The following IL17RE variants were observed in gnomAD, a reference collection of about 807,000 sequenced individuals.
IL17RE encodes interleukin 17 receptor E.
In IL17RE, 47 loss-of-function variants were observed where a neutral mutation model predicts 70.7. That is an observed-to-expected ratio of 0.67 (90% confidence interval 0.53 to 0.85). The LOEUF (loss-of-function observed/expected upper bound fraction) is 0.85. IL17RE is among the 40% of genes least tolerant of loss of function. The pLI is 0.00. For synonymous variants in IL17RE, 372 were observed against 381.2 expected, an observed-to-expected ratio of 0.98 and a Z score of 0.28; for missense variants, 850 against 893.9, an observed-to-expected ratio of 0.95 and a Z score of 0.63.
intron 7 of IL17RE, 136 bp from the exon 8 acceptor site, chr3:9,909,081 C>G (rs527443808): frequency 1.3e-5 from 9 of 670,850 alleles, no homozygotes; most frequent in Non-Finnish European, 2.4e-5. Flanking sequence ...CCACATTGCC[C>G]CCTCCTGCTC....
At position 9,915,722 on chromosome 3, in the gene IL17RE, T is replaced by C. The variant is rs1372295346; in HGVS notation, c.1919T>C (p.Leu640Pro). ...PFAEATSWGRLGARQRRQSRL... is the reference protein window; with the variant it reads ...PFAEATSWGRPGARQRRQSRL... ...GCAGAGGCCACCAGCTGGGGCCGCC[T>C]TGGGGCGCGGCAGCGCAGGCAGAGC... Residue 640 changes from leucine (L) to proline (P), a missense_variant, in exon 16 of 16, where the codon CTT becomes CCT. By Grantham distance (98) the Leu-to-Pro change is moderately conservative. Coordinates refer to ENST00000383814, the MANE Select transcript of IL17RE (RefSeq NM_153480.2). The surrounding 1 kb of genome is among the most constrained non-coding windows in gnomAD (Gnocchi z 4.9). 1.4e-6 allele frequency: 2 copies of C among 1,435,536 alleles called. No homozygotes were observed. The highest frequency in any genetic ancestry group is 2.9e-5 in the South Asian group (2 of 68,070). 88.9% of individuals were successfully genotyped at this position (1,435,536 alleles called of 1,614,324 possible).
At chr3:9,912,951 A>G (rs2082926961) in intron 12 of IL17RE, among the ~76,000 whole-genome samples, 1 of 152,140 alleles carries the variant, frequency 6.6e-6, no homozygotes, top group Non-Finnish European at 1.5e-5. Context: ...GAGATACAAG[A>G]AAAGTATATA....
At chr3:9,910,513 G>A in intron 8 of IL17RE, 1 of 263,086 alleles carries the variant, frequency 3.8e-6, no homozygotes, top group South Asian at 4.5e-5. Context: ...GGCCAATATG[G>A]TGAAAACCCA....
chr3:9,908,334 T>C (rs748811940), intron 7 of IL17RE, 27 bp downstream of exon 7: 3 of 1,599,380 alleles, frequency 1.9e-6, no homozygotes, highest in South Asian at 1.1e-5. Context: ...GTGTGGGCTG[T>C]CCATGGCTCT....
chr3:9,903,947 A>G, intron 2 of IL17RE, 85 bp from the exon 3 acceptor site: 1 of 1,525,914 alleles, frequency 6.6e-7, no homozygotes, highest in Non-Finnish European at 9.0e-7. Flanking sequence ...AGGATGTGAC[A>G]GAGCTTGGCC....
intron 7 of IL17RE, 135 bp from the exon 8 acceptor site, chr3:9,909,082 C>G: frequency 1.5e-6 from 1 of 675,860 alleles, no homozygotes; most frequent in Non-Finnish European, 2.6e-6. Context: ...CACATTGCCC[C>G]CTCCTGCTCG....
chr3:9,911,426 C>G lies in IL17RE; in HGVS notation c.1073-17C>G, dbSNP rs776268776. 5.6e-6 allele frequency: 9 copies of G among 1,613,488 alleles called. No homozygotes were observed. In the South Asian group the frequency reaches 8.8e-5, roughly 16 times the overall value. On this transcript the variant is annotated splice_polypyrimidine_tract_variant and intron_variant, in intron 11 of 15. Transcript: ENST00000383814. Reference sequence around the variant, plus strand: ...AAAGCCCAACTCCTATCAACACCCCCACCCCGCCCCAAACAGGGTCTCTCA... The same window carrying G: ...AAAGCCCAACTCCTATCAACACCCCGACCCCGCCCCAAACAGGGTCTCTCA...
chr3:9,914,278 A>G, intron 13 of IL17RE: 2 of 780,426 alleles, frequency 2.6e-6, no homozygotes, highest in Non-Finnish European at 4.0e-6. Context: ...GTGCCATCTG[A>G]TTGTTTCAGT....
At chr3:9,903,181 G>C in intron 1 of IL17RE, 117 bp downstream of exon 1, 2 of 1,046,740 alleles carry the variant, frequency 1.9e-6, no homozygotes, top group South Asian at 1.4e-5. Flanking sequence ...GCTTTGATGT[G>C]TCCTCTACCT....
chr3:9,914,877 A>G (rs1271983788), intron 15 of IL17RE, 100 bp downstream of exon 15: 1 of 1,003,988 alleles, frequency 1.0e-6, no homozygotes, highest in African/African-American at 1.6e-5. Context: ...ACTGCACCCA[A>G]TCTCTGTTAC....
chr3:9,914,383 T>C (rs2082961148), intron 13 of IL17RE, 165 bp from the exon 14 acceptor site: 4 of 1,491,210 alleles, frequency 2.7e-6, no homozygotes, highest in South Asian at 1.4e-5. Flanking sequence ...TTTGCCACCA[T>C]TGACCTGTTC....
intron 7 of IL17RE, 89 bp downstream of exon 7, chr3:9,908,396 T>G: frequency 8.6e-7 from 1 of 1,169,150 alleles, no homozygotes; most frequent in Non-Finnish European, 1.3e-6. Context: ...TCCAGTAAAT[T>G]GGGTTTAAAA....
rs2082969537 is a variant in IL17RE, at chr3:9,914,609, T to G, written c.1348+10T>G. On this transcript the variant is annotated intron_variant, in intron 14 of 15. Coordinates refer to ENST00000383814, the MANE Select transcript of IL17RE (RefSeq NM_153480.2). The stretch of plus-strand genomic sequence containing the variant: ...CTCTTGTGTCCGGATGGTGAGTTCT[T>G]GGGGAGGGGGAGGTAAGAGGGAGGC... The G allele has an allele frequency of 6.2e-7, 1 of 1,613,548 alleles. No individual in the cohort carries two copies. Among genetic ancestry groups the G allele is most frequent in the Non-Finnish European group, 8.5e-7 (1 of 1,179,654 alleles).
intron 8 of IL17RE, among the ~76,000 whole-genome samples, 153 bp from the exon 9 acceptor site, chr3:9,910,712 G>A (rs2082870064): frequency 6.6e-6 from 1 of 152,146 alleles, no homozygotes; most frequent in Non-Finnish European, 1.5e-5. Flanking sequence ...GAAAGATAAT[G>A]AAAGGGATGC....
chr3:9,902,353 T>C (rs991014575), upstream of IL17RE, among the ~76,000 whole-genome samples: 6 of 152,136 alleles, frequency 3.9e-5, no homozygotes, highest in African/African-American at 7.2e-5. Context: ...AACTCGGCTA[T>C]AGTCCTGAGA....
At chr3:9,914,358 C>G in intron 13 of IL17RE, 190 bp from the exon 14 acceptor site, 1 of 1,441,320 alleles carries the variant, frequency 6.9e-7, no homozygotes, top group Non-Finnish European at 9.1e-7. Flanking sequence ...GAGTTTGGCC[C>G]CTGTCACACT....
chr3:9,911,483 C>T lies in IL17RE; in HGVS notation c.1113C>T (p.Ala371=), dbSNP rs1450516071. 2.5e-6 allele frequency: 4 copies of T among 1,614,060 alleles called. No individual in the cohort carries two copies. Among genetic ancestry groups the T allele is most frequent in the Admixed American group, 1.7e-5 (1 of 60,002 alleles). Residue 371 remains alanine (A), a synonymous_variant, in exon 12 of 16, where the codon GCC becomes GCT. Transcript: ENST00000383814. ...TSWNVSMDTQ[A]QQLILHFSSR... ...GGAATGTAAGCATGGATACCCAAGC[C>T]CAGCAGCTGATTCTTCACTTCTCCT...
chr3:9,902,801 G>A, upstream of IL17RE: 1 of 1,559,822 alleles, frequency 6.4e-7, no homozygotes, highest in South Asian at 1.2e-5. Flanking sequence ...GAGCTTTCGG[G>A]CAGGGCGGGG....
rs2082991033 is a variant in IL17RE at position 9,915,166 on chromosome 3, C to T, written c.1448-85C>T. The T allele has an allele frequency of 1.5e-6, 2 of 1,345,634 alleles. No individual in the cohort carries two copies. The highest frequency in any genetic ancestry group is 1.9e-6 in the Non-Finnish European group (2 of 1,052,544). 83.4% of individuals were successfully genotyped at this position (1,345,634 alleles called of 1,614,324 possible). On this transcript the variant is annotated intron_variant, in intron 15 of 15. Coordinates refer to ENST00000383814, the MANE Select transcript of IL17RE (RefSeq NM_153480.2). The surrounding 1 kb of genome is among the most constrained non-coding windows in gnomAD (Gnocchi z 4.9). The stretch of plus-strand genomic sequence containing the variant: ...GGGGCGGGGGCGGAGAGGCGAGCAC[C>T]CTACGGTATCCCGAGAGGGTGGGGA...
Sources: allele counts gnomAD v4.1 joint callset (sites outside exome capture counted in the v4.1 genomes callset), GRCh38; gene constraint gnomAD v4.1.1; non-coding constraint Gnocchi (gnomAD v3.1); transcripts MANE v1.5; gene names NCBI Gene and HGNC (gene_info 2026-07-23, HGNC 2026-07-21).